FBXL17: variants seen among roughly 807,000 people sequenced by gnomAD.
The protein encoded by FBXL17 is F-box/LRR-repeat protein 17.
A neutral mutation model predicts 66.2 loss-of-function variants in FBXL17; 22 were observed. That is an observed-to-expected ratio of 0.33 (90% confidence interval 0.24 to 0.47). FBXL17 has a LOEUF of 0.47. Among genes scored for constraint, FBXL17 ranks in the 20% least tolerant of loss-of-function variants. The pLI, the probability that FBXL17 is intolerant of heterozygous loss-of-function variation, is 1.00. For missense variants in FBXL17, 878 were observed against 948.2 expected (o/e 0.93, Z 0.97); for synonymous variants, 474 against 400.5 (o/e 1.18, Z -2.19).
intron 4 of FBXL17, among the ~76,000 whole-genome samples, chr5:108,231,855 C>T (rs1296654363): frequency 6.6e-6 from 1 of 152,156 alleles, no homozygotes; most frequent in South Asian, 2.1e-4. Context: ...ATTAGGGCTT[C>T]TTTTAGTATT....
At chr5:108,019,348 A>G (rs1435731602) in intron 7 of FBXL17, among the ~76,000 whole-genome samples, 3 of 152,120 alleles carry the variant, frequency 2.0e-5, no homozygotes, top group African/African-American at 7.2e-5. Flanking sequence ...TTTGTACTTG[A>G]TAACTTAATA....
intron 7 of FBXL17, among the ~76,000 whole-genome samples, chr5:107,901,882 T>C (rs1446036350): frequency 6.6e-6 from 1 of 152,202 alleles, no homozygotes; most frequent in African/African-American, 2.4e-5. Context: ...TGTGGTAAAC[T>C]GGAACCACAT....
intron 6 of FBXL17, among the ~76,000 whole-genome samples, chr5:108,173,520 T>G (rs1183605250): frequency 6.6e-6 from 1 of 152,180 alleles, no homozygotes; most frequent in Non-Finnish European, 1.5e-5. Context: ...TTTATTACAG[T>G]AAAGAAATGA....
chr5:108,248,652 A>G (rs1756215545), intron 4 of FBXL17, among the ~76,000 whole-genome samples: 1 of 152,164 alleles, frequency 6.6e-6, no homozygotes, highest in Non-Finnish European at 1.5e-5. Context: ...TCAGGAAATA[A>G]CATAACCAAA....
chr5:108,137,902 T>C (rs1339189037), intron 6 of FBXL17, among the ~76,000 whole-genome samples: 1 of 152,166 alleles, frequency 6.6e-6, no homozygotes, highest in Non-Finnish European at 1.5e-5. Context: ...CTATCGATAA[T>C]CTGGGCACAA....
intron 4 of FBXL17, among the ~76,000 whole-genome samples, chr5:108,322,650 T>C (rs1759671775): frequency 1.3e-5 from 2 of 151,930 alleles, no homozygotes; most frequent in African/African-American, 4.8e-5. Context: ...TTTCTACAAA[T>C]AATAATAAAT....
At chr5:108,287,877 G>A (rs975411150) in intron 4 of FBXL17, among the ~76,000 whole-genome samples, 1 of 151,854 alleles carries the variant, frequency 6.6e-6, no homozygotes, top group Admixed American at 6.6e-5. Flanking sequence ...AATACCCACT[G>A]ATGGTAAACT....
At chr5:108,043,207 A>G (rs745373513) in intron 6 of FBXL17, among the ~76,000 whole-genome samples, 7 of 152,180 alleles carry the variant, frequency 4.6e-5, no homozygotes, top group East Asian at 1.9e-4. Context: ...GGTCTTTCAC[A>G]TAGCAAAAGT....
chr5:108,057,819 A>G (rs1352669692), intron 6 of FBXL17, among the ~76,000 whole-genome samples: 2 of 152,236 alleles, frequency 1.3e-5, no homozygotes, highest in Admixed American at 6.5e-5. Context: ...CTAATAGTCA[A>G]TAATAATTTT....
In FBXL17 at chr5:108,258,782, A is replaced by G. The variant is rs184778381; in HGVS notation, c.1507-34554T>C. Reference sequence around the variant, plus strand: ...TGCTAAAACACTCTAGGATCTTACAATCTAGCTGGTGGAAAGCTAGTCAAC... The same window carrying G: ...TGCTAAAACACTCTAGGATCTTACAGTCTAGCTGGTGGAAAGCTAGTCAAC... On this transcript the variant is annotated intron_variant, in intron 4 of 8. Coordinates refer to ENST00000542267, the MANE Select transcript of FBXL17 (RefSeq NM_001163315.3). Among the ~76,000 whole-genome samples the G allele has an allele frequency of 3.7e-3, 549 of 149,316 alleles. 7 individuals are homozygous for G. Among genetic ancestry groups the G allele is most frequent in the African/African-American group, 0.013 (533 of 39,558 alleles).
At chr5:108,103,710 G>GCTTAT (rs1228859079) in intron 6 of FBXL17, among the ~76,000 whole-genome samples, 1 of 152,102 alleles carries the variant, frequency 6.6e-6, no homozygotes, top group African/African-American at 2.4e-5. Context: ...TACACACAAA[G>GCTTAT]CTTATCTTTT....
intron 6 of FBXL17, among the ~76,000 whole-genome samples, chr5:108,121,959 A>C (rs1344545720): frequency 3.3e-5 from 5 of 152,114 alleles, no homozygotes; most frequent in Non-Finnish European, 7.4e-5. Context: ...CTCCAACCCC[A>C]AAATTTTGCT....
At chr5:107,991,199 G>C (rs957535204) in intron 7 of FBXL17, among the ~76,000 whole-genome samples, 1 of 152,210 alleles carries the variant, frequency 6.6e-6, no homozygotes, top group Non-Finnish European at 1.5e-5. Context: ...CTGAAGGGAT[G>C]GAAATTTTCA....
chr5:107,896,517 A>C (rs758032563), intron 7 of FBXL17, among the ~76,000 whole-genome samples: 1 of 152,184 alleles, frequency 6.6e-6, no homozygotes, highest in Non-Finnish European at 1.5e-5. Flanking sequence ...TGAGCAGTAC[A>C]TCTCTCAGTA....
intron 7 of FBXL17, among the ~76,000 whole-genome samples, chr5:107,991,583 G>T (rs1346976669): frequency 2.0e-5 from 3 of 152,144 alleles, no homozygotes; most frequent in Admixed American, 1.3e-4. Flanking sequence ...AAGAAAGATT[G>T]TATTGGCCTT....
chr5:108,200,065 T>C (rs941021199), intron 5 of FBXL17, among the ~76,000 whole-genome samples: 6 of 152,032 alleles, frequency 3.9e-5, no homozygotes, highest in Admixed American at 2.0e-4. Context: ...GAGTCAGTGT[T>C]ACTGGGACCC....
At chr5:108,114,284 A>G (rs1750153124) in intron 6 of FBXL17, among the ~76,000 whole-genome samples, 1 of 152,212 alleles carries the variant, frequency 6.6e-6, no homozygotes, top group Non-Finnish European at 1.5e-5. Flanking sequence ...TTACTCTTAA[A>G]GTACTTCTGA....
Position 108,380,684 on chromosome 5 carries a change from C to G in FBXL17, c.993+15G>C. The G allele has an allele frequency of 2.4e-6, 3 of 1,248,206 alleles. No homozygotes were observed. The South Asian group carries it at 1.2e-4, about 51-fold the overall frequency. 77.3% of individuals were successfully genotyped at this position (1,248,206 alleles called of 1,614,324 possible). On this transcript the variant is annotated intron_variant, in intron 1 of 8. Transcript: ENST00000542267. Reference sequence around the variant, plus strand: ...GGGGAAAGCGAGCATCCCTGCGCCTCTCGCCCAGACCCACCTTGAGCAGGA... The same window carrying G: ...GGGGAAAGCGAGCATCCCTGCGCCTGTCGCCCAGACCCACCTTGAGCAGGA...
intron 7 of FBXL17, among the ~76,000 whole-genome samples, chr5:107,925,158 T>A (rs750163283): frequency 1.1e-4 from 16 of 152,220 alleles, no homozygotes; most frequent in Non-Finnish European, 1.9e-4. Context: ...TCTGAAATGT[T>A]CCTCAGTGCC....
Sources: allele counts gnomAD v4.1 joint callset (sites outside exome capture counted in the v4.1 genomes callset), GRCh38; gene constraint gnomAD v4.1.1; transcripts MANE v1.5; gene names NCBI Gene and HGNC (gene_info 2026-07-23, HGNC 2026-07-21).